The following SPTSSB variants were observed in gnomAD, a reference collection of about 807,000 sequenced individuals.
SPTSSB encodes the protein androgen down regulated in mouse prostate.
In SPTSSB, 6 loss-of-function variants were observed where a neutral mutation model predicts 7.7. That is an observed-to-expected ratio of 0.78 (90% CI 0.43 to 1.54). The LOEUF (loss-of-function observed/expected upper bound fraction) is 1.54. SPTSSB is among the 40% of genes most tolerant of loss of function. The pLI is 0.01. For missense variants in SPTSSB, 91 were observed against 93.0 expected, an observed-to-expected ratio of 0.98 and a Z score of 0.09; for synonymous variants, 28 against 29.7, an observed-to-expected ratio of 0.94 and a Z score of 0.19.
At chr3:161,367,515 A>G (rs2108169539) in intron 1 of SPTSSB, among the ~76,000 whole-genome samples, 1 of 152,354 alleles carries the variant, frequency 6.6e-6, no homozygotes, top group African/African-American at 2.4e-5. Context: ...CACTAGTTTT[A>G]TATTTCCATT....
rs1245234587 is a variant in SPTSSB, at chr3:161,345,391, A to G, written c.*702T>C. ...AAATACAATAACTGAATTTACTTTG[A>G]TTATACTTTAGTTTCTTACACTTAA... is the stretch of plus-strand genomic sequence containing the variant. On this transcript the variant is annotated 3_prime_UTR_variant, in exon 3 of 3. Transcript: ENST00000620149. 1 of 152,572 alleles carries G rather than the reference A, an allele frequency of 6.6e-6. No individual in the cohort carries two copies. Among genetic ancestry groups the G allele is most frequent in the Non-Finnish European group, 1.5e-5 (1 of 68,034 alleles). 9.5% of individuals were successfully genotyped at this position (152,572 alleles called of 1,614,324 possible). A position where few individuals can be genotyped will look rare whatever the true frequency, so the allele number is the denominator to read the frequency against.
intron 1 of SPTSSB, among the ~76,000 whole-genome samples, chr3:161,362,015 T>G (rs932246966): frequency 2.6e-5 from 4 of 152,132 alleles, no homozygotes; most frequent in African/African-American, 4.8e-5. Flanking sequence ...CCTGATTGAT[T>G]TATTTTTTCT....
At chr3:161,347,704 T>G (rs1251435173) in intron 2 of SPTSSB, among the ~76,000 whole-genome samples, 1 of 152,020 alleles carries the variant, frequency 6.6e-6, no homozygotes, top group Non-Finnish European at 1.5e-5. Context: ...AAACCCTGTC[T>G]GTACTAAAAA....
At chr3:161,353,424 T>A (rs911055205) in intron 2 of SPTSSB, among the ~76,000 whole-genome samples, 10 of 152,202 alleles carry the variant, frequency 6.6e-5, no homozygotes, top group Admixed American at 4.6e-4. Flanking sequence ...ATCTAGTACC[T>A]TAAAATAAAT....
intron 2 of SPTSSB, among the ~76,000 whole-genome samples, chr3:161,356,572 T>G (rs1033625323): frequency 1.3e-5 from 2 of 152,222 alleles, no homozygotes; most frequent in African/African-American, 4.8e-5. Flanking sequence ...TTCTTTTCAC[T>G]TTTTTGGGTA....
Position 161,365,763 on chromosome 3 carries a change from T to C in SPTSSB, c.-126+5672A>G, listed in dbSNP as rs149585197. Among the ~76,000 whole-genome samples, 64 of 152,318 alleles carry C rather than the reference T, an allele frequency of 4.2e-4. No homozygotes were observed. The East Asian group carries it at 0.012, about 28-fold the overall frequency. Reference sequence around the variant, plus strand: ...CTAAGCCTGAAATAAATGTATCCTTTTGACTTACAAAATCAGGTCTCTGCT... The same window carrying C: ...CTAAGCCTGAAATAAATGTATCCTTCTGACTTACAAAATCAGGTCTCTGCT... On this transcript the variant is annotated intron_variant, in intron 1 of 2. Coordinates refer to ENST00000620149, the MANE Select transcript of SPTSSB (RefSeq NM_001040100.2).
At chr3:161,365,504 C>T (rs1715182165) in intron 1 of SPTSSB, among the ~76,000 whole-genome samples, 1 of 152,174 alleles carries the variant, frequency 6.6e-6, no homozygotes, top group Non-Finnish European at 1.5e-5. Flanking sequence ...CCTGTGTTCT[C>T]AGACATTTTG....
intron 2 of SPTSSB, among the ~76,000 whole-genome samples, chr3:161,358,055 T>C (rs1714853958): frequency 6.6e-6 from 1 of 151,064 alleles, no homozygotes; most frequent in South Asian, 2.1e-4. Context: ...TTTTTTTTTT[T>C]TTTTTTTGGA....
chr3:161,361,290 T>C (rs1185066035), intron 1 of SPTSSB, among the ~76,000 whole-genome samples: 2 of 152,094 alleles, frequency 1.3e-5, no homozygotes, highest in Non-Finnish European at 2.9e-5. Flanking sequence ...TGTGGTGAGG[T>C]AGCGAGAGCT....
intron 1 of SPTSSB, among the ~76,000 whole-genome samples, chr3:161,361,478 T>C (rs541786351): frequency 6.6e-6 from 1 of 152,310 alleles, no homozygotes; most frequent in African/African-American, 2.4e-5. Flanking sequence ...GTTTTTGTCA[T>C]ATTAAAAAAA....
At chr3:161,360,605 G>A (rs1714967659) in intron 1 of SPTSSB, among the ~76,000 whole-genome samples, 1 of 152,164 alleles carries the variant, frequency 6.6e-6, no homozygotes, top group Non-Finnish European at 1.5e-5. Flanking sequence ...GTTAGCCCCA[G>A]ATTTTTGCAC....
chr3:161,348,946 T>C (rs114131957), intron 2 of SPTSSB, among the ~76,000 whole-genome samples: 2,749 of 152,264 alleles, frequency 0.018, 52 homozygotes, highest in Non-Finnish European at 0.021. Flanking sequence ...TATTTTTAGG[T>C]TCTAGATTTG....
chr3:161,347,611 C>T (rs1459940003), intron 2 of SPTSSB, among the ~76,000 whole-genome samples: 1 of 152,054 alleles, frequency 6.6e-6, no homozygotes, highest in Non-Finnish European at 1.5e-5. Flanking sequence ...GTGGCTCACG[C>T]CTGTAATCCC....
At chr3:161,358,400 G>T (rs9844862) in intron 2 of SPTSSB, among the ~76,000 whole-genome samples, 2 of 151,908 alleles carry the variant, frequency 1.3e-5, no homozygotes, top group African/African-American at 4.8e-5. Context: ...TACTAATTTT[G>T]TGACCCTGGC....
Position 161,346,359 on chromosome 3 carries a change from T to C in SPTSSB, c.-32-4A>G. 3 of 1,429,598 alleles carry C rather than the reference T, an allele frequency of 2.1e-6. No homozygotes were observed. The highest frequency in any genetic ancestry group is 3.0e-6 in the Non-Finnish European group (3 of 1,012,444). The allele number at this position is 1,429,598 out of a possible 1,614,324, so 88.6% of individuals were successfully genotyped here. On this transcript the variant is annotated splice_polypyrimidine_tract_variant and splice_region_variant and intron_variant, in intron 2 of 2. Coordinates refer to ENST00000620149, the MANE Select transcript of SPTSSB (RefSeq NM_001040100.2). ...TTCAAGCTGCAGTAAGTTTGTCCTG[T>C]TAAAGAATGTAACAGATTAGAGGAT...
intron 1 of SPTSSB, among the ~76,000 whole-genome samples, chr3:161,370,447 T>C (rs1715459016): frequency 1.3e-5 from 2 of 152,216 alleles, no homozygotes; most frequent in Admixed American, 6.5e-5. Context: ...CTTGAGAAAG[T>C]CACCGAAATG....
At chr3:161,357,958 A>G (rs1247558049) in intron 2 of SPTSSB, among the ~76,000 whole-genome samples, 1 of 152,174 alleles carries the variant, frequency 6.6e-6, no homozygotes, top group African/African-American at 2.4e-5. Flanking sequence ...ATTTGTTACA[A>G]GAGCCCTAGG....
At chr3:161,348,632 C>T (rs971193475) in intron 2 of SPTSSB, among the ~76,000 whole-genome samples, 5 of 152,218 alleles carry the variant, frequency 3.3e-5, no homozygotes, top group African/African-American at 1.2e-4. Flanking sequence ...TCTGCAATGA[C>T]TTTAAATCTG....
chr3:161,350,893 G>A (rs746607536), intron 2 of SPTSSB, among the ~76,000 whole-genome samples: 1 of 152,064 alleles, frequency 6.6e-6, no homozygotes, highest in Non-Finnish European at 1.5e-5. Flanking sequence ...TTCATGATAT[G>A]ATGTCAAAAA....
Sources: gnomAD v4.1 joint callset for allele counts (sites outside exome capture counted in the v4.1 genomes callset) on GRCh38, gnomAD v4.1.1 for gene constraint, MANE v1.5 for transcripts, NCBI Gene and HGNC (gene_info 2026-07-23, HGNC 2026-07-21) for gene names.